ZUP1: variants seen among roughly 807,000 people sequenced by gnomAD.
ZUP1 encodes the protein zinc finger-containing ubiquitin peptidase 1.
In ZUP1, 55 loss-of-function variants were observed where a neutral mutation model predicts 68.1. That is an observed-to-expected ratio of 0.81 (90% CI 0.65 to 1.01). The LOEUF (loss-of-function observed/expected upper bound fraction) is 1.01, where lower values mean the gene tolerates loss of function less well. ZUP1 is among the 50% of genes least tolerant of loss of function. ZUP1 has a pLI of 0.00. For missense variants in ZUP1, 684 were observed against 674.9 expected, an observed-to-expected ratio of 1.01 and a Z score of -0.15; for synonymous variants, 223 against 221.5, an observed-to-expected ratio of 1.01 and a Z score of -0.06.
rs1329771709 is a variant in ZUP1, at chr6:116,665,383, T to C, written c.559+1251A>G. On this transcript the variant is annotated intron_variant, in intron 2 of 9. Transcript: ENST00000368576. ...CTTCTAGAAGTTGGCAAAGAGTTTTTAGACACACCAAAAGCATGATCCATG... is the reference window on the plus strand; with the variant it reads ...CTTCTAGAAGTTGGCAAAGAGTTTTCAGACACACCAAAAGCATGATCCATG... Among the ~76,000 whole-genome samples, 4 of 152,146 alleles carry C rather than the reference T, an allele frequency of 2.6e-5. No individual in the cohort carries two copies. The East Asian group carries it at 7.7e-4, about 29-fold the overall frequency.
rs1242680575 is a variant in ZUP1, at chr6:116,668,648, C to G, written c.-98G>C. On this transcript the variant is annotated 5_prime_UTR_variant, in exon 1 of 10. Coordinates refer to ENST00000368576, the MANE Select transcript of ZUP1 (RefSeq NM_145062.3). ...CGCTGGCAGACGAGTGCGTGCGCGG[C>G]GTCCAGTACCTCTCCTGGCCTGATG... 2 of 152,384 alleles carry G rather than the reference C, an allele frequency of 1.3e-5. No homozygotes were observed. The highest frequency in any genetic ancestry group is 2.9e-5 in the Non-Finnish European group (2 of 68,172). 9.4% of individuals were successfully genotyped at this position (152,384 alleles called of 1,614,324 possible). A position where few individuals can be genotyped will look rare whatever the true frequency, so the allele number is the denominator to read the frequency against.
intron 9 of ZUP1, among the ~76,000 whole-genome samples, chr6:116,643,809 A>C (rs1398459630): frequency 6.6e-6 from 1 of 152,242 alleles, no homozygotes; most frequent in Admixed American, 6.5e-5. Flanking sequence ...CACCAAAAGC[A>C]TTGGCAACAA....
intron 7 of ZUP1, among the ~76,000 whole-genome samples, chr6:116,650,050 T>C (rs1776431684): frequency 6.6e-6 from 1 of 151,958 alleles, no homozygotes; most frequent in Admixed American, 6.6e-5. Flanking sequence ...AATACAGTAA[T>C]TGGGGGATAA....
At chr6:116,644,390 G>A (rs9400945) in intron 9 of ZUP1, among the ~76,000 whole-genome samples, 64,228 of 151,920 alleles carry the variant, frequency 0.42, 13,754 homozygotes, top group East Asian at 0.56. Context: ...ACATGCACAC[G>A]TATGTTTATT....
intron 2 of ZUP1, among the ~76,000 whole-genome samples, chr6:116,665,940 T>C (rs978991080): frequency 4.6e-5 from 7 of 151,988 alleles, no homozygotes; most frequent in African/African-American, 1.7e-4. Flanking sequence ...AGATCCTAAA[T>C]GTGTACACAC....
chr6:116,652,176 A>G lies in ZUP1; in HGVS notation c.978T>C (p.Leu326=). The G allele has an allele frequency of 6.2e-7, 1 of 1,611,964 alleles. No individual in the cohort carries two copies. The highest frequency in any genetic ancestry group is 8.5e-7 in the Non-Finnish European group (1 of 1,179,190). Reference sequence around the variant, plus strand: ...TGGCAGCATTCTGATAATACCTATGAAGTGCTTCAATAATTCCTAAAGTAG... The same window carrying G: ...TGGCAGCATTCTGATAATACCTATGGAGTGCTTCAATAATTCCTAAAGTAG... ...KTKTSGIIEA[L]HRYYQNAATD... is the part of the protein sequence containing the mutation. Residue 326 remains leucine (L), a synonymous_variant, in exon 6 of 10, where the codon CTT becomes CTC. Transcript: ENST00000368576.
At position 116,660,849 on chromosome 6, in the gene ZUP1, G is replaced by A; in HGVS notation, c.560-3C>T. The A allele has an allele frequency of 7.0e-7, 1 of 1,419,004 alleles. No individual in the cohort carries two copies. The highest frequency in any genetic ancestry group is 9.7e-7 in the Non-Finnish European group (1 of 1,032,714). The allele number at this position is 1,419,004 out of a possible 1,614,324, so 87.9% of individuals were successfully genotyped here. A position where few individuals can be genotyped will look rare whatever the true frequency, so the allele number is the denominator to read the frequency against. The stretch of plus-strand genomic sequence containing the variant: ...ATCATAGAGTGGTTGATCACAGTCT[G>A]TATCAGAGATATAATTAAGTTGTTT... On this transcript the variant is annotated splice_region_variant and splice_polypyrimidine_tract_variant and intron_variant, in intron 2 of 9. Coordinates refer to ENST00000368576, the MANE Select transcript of ZUP1 (RefSeq NM_145062.3).
intron 2 of ZUP1, among the ~76,000 whole-genome samples, chr6:116,665,416 A>C (rs1446239504): frequency 6.6e-6 from 1 of 152,170 alleles, no homozygotes; most frequent in Non-Finnish European, 1.5e-5. Context: ...ATGAAAGAAG[A>C]AATTGTCAAG....
Position 116,645,734 on chromosome 6 carries a change from G to T in ZUP1, c.1669C>A (p.Leu557Ile). The T allele has an allele frequency of 6.2e-7, 1 of 1,611,930 alleles. No homozygotes were observed. Among genetic ancestry groups the T allele is most frequent in the Non-Finnish European group, 8.5e-7 (1 of 1,179,428 alleles). Residue 557 changes from leucine (L) to isoleucine (I), a missense_variant, in exon 9 of 10, where the codon CTT becomes ATT. By Grantham distance (5) the Leu-to-Ile change is conservative. Coordinates refer to ENST00000368576, the MANE Select transcript of ZUP1 (RefSeq NM_145062.3). ...QYQILAVEGA[L>I]SLEEKLARRQ... is the part of the protein sequence containing the mutation. ...CTTACAAGTTTCTCCTCTAGAGAAA[G>T]AGCACCCTCTACTGCCAATATCTGG...
In ZUP1 at chr6:116,658,931, G is replaced by C. The variant is rs761400920; in HGVS notation, c.671-7C>G. 9 of 1,596,584 alleles carry C rather than the reference G, an allele frequency of 5.6e-6. No homozygotes were observed. Among genetic ancestry groups the C allele is most frequent in the Non-Finnish European group, 7.7e-6 (9 of 1,175,172 alleles). ...CACTGGACTCTATCCATGCCTGTTA[G>C]GTATTGTTAATGTTCAGAATAAAAT... On this transcript the variant is annotated splice_region_variant and splice_polypyrimidine_tract_variant and intron_variant, in intron 3 of 9. Transcript: ENST00000368576.
intron 2 of ZUP1, among the ~76,000 whole-genome samples, chr6:116,665,283 CACTG>C (rs1776964842): frequency 6.6e-6 from 1 of 152,044 alleles, no homozygotes. Flanking sequence ...AGAATGTAGA[CACTG>C]ACTTCATACC....
rs555627975 is a variant in ZUP1 at position 116,651,833 on chromosome 6, T to A, written c.1151-96A>T. On this transcript the variant is annotated intron_variant, in intron 6 of 9. Coordinates refer to ENST00000368576, the MANE Select transcript of ZUP1 (RefSeq NM_145062.3). ...TGTACTCGGGGAACTTTACGGTTTT[T>A]AAGACAGTTATTCCTGACATCTTCT... The A allele has an allele frequency of 2.0e-4, 300 of 1,470,538 alleles. No homozygotes were observed. In the African/African-American group the frequency reaches 4.0e-3, roughly 20 times the overall value. The allele number at this position is 1,470,538 out of a possible 1,614,324, so 91.1% of individuals were successfully genotyped here.
intron 4 of ZUP1, among the ~76,000 whole-genome samples, chr6:116,658,280 T>C (rs1776727741): frequency 6.6e-6 from 1 of 152,166 alleles, no homozygotes; most frequent in African/African-American, 2.4e-5. Context: ...CTAAGATAAA[T>C]GAAGCCTCAA....
In ZUP1 at chr6:116,642,188, T is replaced by C. The variant is rs544019955; in HGVS notation, c.1689+3526A>G. ...ATAACAGGATCTGAAATTGTGGCAATAATCAATAGCTTACCAACCAAAAAG... is the reference window on the plus strand; with the variant it reads ...ATAACAGGATCTGAAATTGTGGCAACAATCAATAGCTTACCAACCAAAAAG... On this transcript the variant is annotated intron_variant, in intron 9 of 9. Coordinates refer to ENST00000368576, the MANE Select transcript of ZUP1 (RefSeq NM_145062.3). 3.3e-5 allele frequency among the ~76,000 whole-genome samples: 5 copies of C among 152,256 alleles called. No homozygotes were observed. In the East Asian group the frequency reaches 5.8e-4, roughly 18 times the overall value.
At position 116,656,109 on chromosome 6, in the gene ZUP1, C is replaced by T. The variant is rs185715840; in HGVS notation, c.961+575G>A. Among the ~76,000 whole-genome samples, 40 of 148,958 alleles carry T rather than the reference C, an allele frequency of 2.7e-4. 2 individuals are homozygous for T. The highest frequency in any genetic ancestry group is 9.9e-4 in the African/African-American group (40 of 40,592). ...TTTTGTTTTTTTTGAGATGGAGTTT[C>T]GCTCTTGTTGCCCAGGCTGGAGTGC... On this transcript the variant is annotated intron_variant, in intron 5 of 9. Transcript: ENST00000368576.
chr6:116,636,014 C>A, intron 9 of ZUP1, 135 bp from the exon 10 acceptor site: 16 of 492,416 alleles, frequency 3.2e-5, no homozygotes, highest in Middle Eastern at 5.8e-4. Context: ...AGAAAAATTG[C>A]AATCTCAAAC....
At chr6:116,642,942 T>C (rs1470193190) in intron 9 of ZUP1, among the ~76,000 whole-genome samples, 1 of 152,186 alleles carries the variant, frequency 6.6e-6, no homozygotes, top group East Asian at 1.9e-4. Context: ...AAAACCCCAC[T>C]GTCTCAGCCC....
intron 2 of ZUP1, among the ~76,000 whole-genome samples, chr6:116,663,045 C>T (rs1776894467): frequency 6.6e-6 from 1 of 152,106 alleles, no homozygotes; most frequent in Admixed American, 6.6e-5. Context: ...ACAATCTTTT[C>T]CTTTACCCTA....
intron 3 of ZUP1, among the ~76,000 whole-genome samples, chr6:116,659,813 C>T (rs1776783029): frequency 6.6e-6 from 1 of 152,082 alleles, no homozygotes; most frequent in South Asian, 2.1e-4. Flanking sequence ...AACCCCATGA[C>T]CTGATGGTTT....
Sources: allele counts gnomAD v4.1 joint callset (sites outside exome capture counted in the v4.1 genomes callset), GRCh38; gene constraint gnomAD v4.1.1; transcripts MANE v1.5; gene names NCBI Gene and HGNC (gene_info 2026-07-23, HGNC 2026-07-21).